Variants in CHD5 observed in about 807,000 individuals in gnomAD.
The protein encoded by CHD5 is ATP-dependent chromatin remodeler CHD5.
A neutral mutation model predicts 230.3 loss-of-function variants in CHD5; 69 were observed. The ratio of observed to expected loss-of-function variants is 0.30; its 90% CI spans 0.25 to 0.37. The LOEUF is 0.37. CHD5 is among the 10% of genes least tolerant of loss of function. The pLI, the probability that CHD5 is intolerant of heterozygous loss-of-function variation, is 1.00. For synonymous variants in CHD5, 1,064 were observed against 1,065.9 expected, an observed-to-expected ratio of 1.00 and a Z score of 0.03; for missense variants, 1,827 against 2,622.8, an observed-to-expected ratio of 0.70 and a Z score of 6.63.
At chr1:6,113,279 C>T (rs2100833547) in intron 33 of CHD5, 1 of 423,496 alleles carries the variant, frequency 2.4e-6, no homozygotes, top group East Asian at 5.4e-5. Context: ...AACAACTTAG[C>T]TGGGCTTGGC....
intron 15 of CHD5, among the ~76,000 whole-genome samples, chr1:6,138,699 G>C (rs866424283): frequency 6.6e-6 from 1 of 152,246 alleles, no homozygotes; most frequent in Admixed American, 6.5e-5. Context: ...AAAGAGCTAA[G>C]TCTGTTTCTC....
chr1:6,175,049 G>A (rs2100889163), intron 1 of CHD5, among the ~76,000 whole-genome samples: 1 of 151,186 alleles, frequency 6.6e-6, no homozygotes, highest in South Asian at 2.1e-4. Context: ...GATGGTGGGT[G>A]GATGAATGGT....
rs1051385109 is a variant in CHD5, at chr1:6,117,076, C to G, written c.4912+4029G>C. On this transcript the variant is annotated intron_variant, in intron 33 of 41. Transcript: ENST00000262450. ...GTACAGAATGAAATTGACTATAAAC[C>G]TTCCAAATGAGTTGAGGGGGAAAAG... 5.3e-5 allele frequency among the ~76,000 whole-genome samples: 8 copies of G among 151,986 alleles called. No individual in the cohort carries two copies. The East Asian group carries it at 1.5e-3, about 29-fold the overall frequency.
chr1:6,168,175 C>T lies in CHD5; in HGVS notation c.182G>A (p.Cys61Tyr), dbSNP rs975312459. ...KKPKKLKENK[C>Y]KGKRKKKEGS... is the part of the protein sequence containing the mutation. Reference sequence around the variant, plus strand: ...CTCTTTCTTCTTCCGCTTCCCTTTACACTTGTTTTCCTTGAGCTTCTTGGG... The same window carrying T: ...CTCTTTCTTCTTCCGCTTCCCTTTATACTTGTTTTCCTTGAGCTTCTTGGG... The change falls in exon 2 of 42, where the codon TGT becomes TAT. Residue 61 changes from cysteine (C) to tyrosine (Y), a missense_variant. Around this residue, in one of 14 missense-constraint regions of CHD5, gnomAD observed 113 missense variants for 91.9 expected, o/e 1.23. Transcript: ENST00000262450. The T allele has an allele frequency of 6.2e-6, 10 of 1,611,366 alleles. No individual in the cohort carries two copies. The highest frequency in any genetic ancestry group is 8.5e-6 in the Non-Finnish European group (10 of 1,177,908).
Position 6,167,092 on chromosome 1 carries a change from C to T in CHD5, c.207+1058G>A, listed in dbSNP as rs780840010. ...TTAGCACCTCACCTCACCACCACTG[C>T]GCCTCACCAGCTACCTCCCTGGGCC... On this transcript the variant is annotated intron_variant, in intron 2 of 41. Coordinates refer to ENST00000262450, the MANE Select transcript of CHD5 (RefSeq NM_015557.3). This position sits in a 1 kb window ranked among gnomAD's most constrained non-coding sequence, Gnocchi z 4.5. 5.9e-5 allele frequency among the ~76,000 whole-genome samples: 9 copies of T among 152,206 alleles called. No individual in the cohort carries two copies. The highest frequency in any genetic ancestry group is 1.9e-4 in the East Asian group (1 of 5,192).
Position 6,154,543 on chromosome 1 carries a change from C to T in CHD5, c.745+117G>A, listed in dbSNP as rs530720297. The T allele has an allele frequency of 4.5e-6, 4 of 895,610 alleles. No individual in the cohort carries two copies. The East Asian group carries it at 8.4e-5, about 19-fold the overall frequency. The allele number at this position is 895,610 out of a possible 1,614,324, so 55.5% of individuals were successfully genotyped here. A position where few individuals can be genotyped will look rare whatever the true frequency, so the allele number is the denominator to read the frequency against. On this transcript the variant is annotated intron_variant, in intron 5 of 41. Coordinates refer to ENST00000262450, the MANE Select transcript of CHD5 (RefSeq NM_015557.3). The surrounding 1 kb of genome is among the most constrained non-coding windows in gnomAD (Gnocchi z 7.0). ...AAGGTCACACAGGCACAGAGCCCTC[C>T]ATTAGGAGCACCCCAGCTGCCCCTC...
At chr1:6,110,018 G>T (rs1471720480) in intron 37 of CHD5, 28 bp from the exon 38 acceptor site, 7 of 1,489,576 alleles carry the variant, frequency 4.7e-6, no homozygotes, top group Admixed American at 2.5e-5. Context: ...CGTCGGCCCG[G>T]CCCCTCCCGC....
intron 7 of CHD5, among the ~76,000 whole-genome samples, chr1:6,150,010 T>C (rs1666976911): frequency 6.7e-6 from 1 of 148,356 alleles, no homozygotes; most frequent in Non-Finnish European, 1.5e-5. Context: ...AATGGATGGA[T>C]GGATGGATGG....
chr1:6,128,238 AGT>A lies in CHD5; in HGVS notation c.3731-22_3731-21del. 6.2e-7 allele frequency: 1 copy of A among 1,612,454 alleles called. No homozygotes were observed. Among genetic ancestry groups the A allele is most frequent in the Non-Finnish European group, 8.5e-7 (1 of 1,179,090 alleles). ...TGTCACCTGGGGAGCAGGCAAATGC[AGT>A]GTGAGGACAAAGACTGCCCTGGTCC... On this transcript the variant is annotated intron_variant, in intron 24 of 41. Coordinates refer to ENST00000262450, the MANE Select transcript of CHD5 (RefSeq NM_015557.3). The surrounding 1 kb of genome is among the most constrained non-coding windows in gnomAD (Gnocchi z 7.8).
intron 1 of CHD5, among the ~76,000 whole-genome samples, chr1:6,169,066 C>T (rs1463612360): frequency 6.6e-6 from 1 of 151,656 alleles, no homozygotes; most frequent in Non-Finnish European, 1.5e-5. Context: ...CACAGGGACA[C>T]TCAAGCCCCA....
At chr1:6,106,867 G>GA in intron 38 of CHD5, 88 bp from the exon 39 acceptor site, 1 of 616,154 alleles carries the variant, frequency 1.6e-6, no homozygotes, top group African/African-American at 2.4e-5. Flanking sequence ...TGGAGGGGTG[G>GA]AGGGGTGGAG....
intron 20 of CHD5, among the ~76,000 whole-genome samples, chr1:6,133,178 G>A (rs11810927): frequency 0.049 from 7,457 of 152,220 alleles, 599 homozygotes; most frequent in African/African-American, 0.17. Flanking sequence ...CGTCTCTGTC[G>A]CTTGCCCTGT....
intron 38 of CHD5, among the ~76,000 whole-genome samples, chr1:6,109,466 G>A (rs1666250149): frequency 6.6e-6 from 1 of 152,158 alleles, no homozygotes; most frequent in African/African-American, 2.4e-5. Context: ...GTATTGCCCG[G>A]GCTAAAGACA....
chr1:6,134,900 G>T lies in CHD5; in HGVS notation c.2871-41C>A. ...AGGAAAGGCAGGCTGGGTCAGACCC[G>T]CCTCCATGAGGGCTCTCTCTGCTCT... On this transcript the variant is annotated intron_variant, in intron 18 of 41. Transcript: ENST00000262450. The surrounding 1 kb of genome is among the most constrained non-coding windows in gnomAD (Gnocchi z 6.3). The T allele has an allele frequency of 6.2e-7, 1 of 1,611,926 alleles. No individual in the cohort carries two copies. Among genetic ancestry groups the T allele is most frequent in the Non-Finnish European group, 8.5e-7 (1 of 1,178,650 alleles).
chr1:6,159,847 G>T (rs1388267666), intron 2 of CHD5, among the ~76,000 whole-genome samples: 1 of 152,270 alleles, frequency 6.6e-6, no homozygotes, highest in Non-Finnish European at 1.5e-5. Context: ...CCCTGCGGGT[G>T]AACTCAGGCT....
intron 34 of CHD5, among the ~76,000 whole-genome samples, chr1:6,112,478 A>C (rs1165757166): frequency 6.6e-6 from 1 of 152,174 alleles, no homozygotes; most frequent in Non-Finnish European, 1.5e-5. Context: ...TCCAGGTCCT[A>C]GTGCTCCTCC....
Position 6,144,830 on chromosome 1 carries a change from C to T in CHD5, c.1803-675G>A, listed in dbSNP as rs1045876535. On this transcript the variant is annotated intron_variant, in intron 11 of 41. Coordinates refer to ENST00000262450, the MANE Select transcript of CHD5 (RefSeq NM_015557.3). Reference sequence around the variant, plus strand: ...GGAGGCACACAGACCCGGTGAGCAGCGGCTGCTGCGGGCCTGGGAACATTA... The same window carrying T: ...GGAGGCACACAGACCCGGTGAGCAGTGGCTGCTGCGGGCCTGGGAACATTA... Among the ~76,000 whole-genome samples the T allele has an allele frequency of 3.9e-5, 6 of 152,344 alleles. No individual in the cohort carries two copies. In the South Asian group the frequency reaches 6.2e-4, roughly 16 times the overall value.
At position 6,106,684 on chromosome 1, in the gene CHD5, G is replaced by A. The variant is rs777674589; in HGVS notation, c.5674C>T (p.Leu1892=). ...LSRIPPVAAR[L]QMSERSILSR... ...AGGATGCTGCGCTCCGACATCTGCA[G>A]CCGGGCGGCCACCGGGGGGATGCGG... The change falls in exon 39 of 42, where the codon CTG becomes TTG. Residue 1892 remains leucine (L), a synonymous_variant. Coordinates refer to ENST00000262450, the MANE Select transcript of CHD5 (RefSeq NM_015557.3). 9 of 1,611,336 alleles carry A rather than the reference G, an allele frequency of 5.6e-6. No individual in the cohort carries two copies. The highest frequency in any genetic ancestry group is 7.6e-6 in the Non-Finnish European group (9 of 1,179,468).
At chr1:6,137,970 G>T (rs537682276) in intron 15 of CHD5, among the ~76,000 whole-genome samples, 24 of 152,318 alleles carry the variant, frequency 1.6e-4, no homozygotes, top group African/African-American at 5.8e-4. Flanking sequence ...TGGTTGGGGA[G>T]GGGGAGCCAG....
Sources: allele counts gnomAD v4.1 joint callset (sites outside exome capture counted in the v4.1 genomes callset), GRCh38; gene constraint gnomAD v4.1.1; regional missense constraint gnomAD v4.1.1; non-coding constraint Gnocchi (gnomAD v3.1); transcripts MANE v1.5; gene names NCBI Gene and HGNC (gene_info 2026-07-23, HGNC 2026-07-21).